CLVS1: variants seen among roughly 807,000 people sequenced by gnomAD.
The protein encoded by CLVS1 is clavesin-1.
In CLVS1, 10 loss-of-function variants were observed where a neutral mutation model predicts 33.1. The ratio of observed to expected loss-of-function variants is 0.30; its 90% CI spans 0.19 to 0.51. The LOEUF (loss-of-function observed/expected upper bound fraction) is 0.51, where lower values mean the gene tolerates loss of function less well. CLVS1 is among the 20% of genes least tolerant of loss of function. The probability of loss-of-function intolerance (pLI) is 0.97; values close to 1 mark genes in which losing one functional copy is unlikely to be tolerated. For missense variants in CLVS1, 343 were observed against 433.4 expected (o/e 0.79, Z 1.85); for synonymous variants, 163 against 166.1 (o/e 0.98, Z 0.14).
intron 2 of CLVS1, among the ~76,000 whole-genome samples, chr8:61,335,163 G>T (rs1416544291): frequency 6.6e-6 from 1 of 152,184 alleles, no homozygotes; most frequent in Non-Finnish European, 1.5e-5. Flanking sequence ...TGGAAGCACT[G>T]ATTTTAGAAG....
intron 1 of CLVS1, among the ~76,000 whole-genome samples, chr8:61,073,034 A>T (rs1804828348): frequency 5.9e-5 from 9 of 152,104 alleles, no homozygotes; most frequent in Admixed American, 5.9e-4. Flanking sequence ...TCTGATTTTT[A>T]CACTTATTAT....
At chr8:61,480,791 T>C (rs1016776942) in intron 5 of CLVS1, among the ~76,000 whole-genome samples, 1 of 152,120 alleles carries the variant, frequency 6.6e-6, no homozygotes, top group Admixed American at 6.5e-5. Flanking sequence ...GGTAAGATGA[T>C]ACAGACGTGC....
rs1230426766 is a variant in CLVS1 at position 61,454,206 on chromosome 8, C to T, written c.696C>T (p.Leu232=). The T allele has an allele frequency of 6.2e-7, 1 of 1,614,112 alleles. No homozygotes were observed. Among genetic ancestry groups the T allele is most frequent in the Non-Finnish European group, 8.5e-7 (1 of 1,179,982 alleles). Residue 232 remains leucine, a synonymous_variant, in exon 4 of 6, where the codon CTC becomes CTT. Transcript: ENST00000325897. ...ACCAGCCCTGGTACATTCATGCCCT[C>T]TACACACTCATCAAGCCATTTCTTA... ...FVNQPWYIHA[L]YTLIKPFLKD... is the part of the protein sequence containing the mutation.
In CLVS1 at chr8:61,322,816, G is replaced by A. The variant is rs186350212; in HGVS notation, c.455+22534G>A. Among the ~76,000 whole-genome samples, 275 of 152,074 alleles carry A rather than the reference G, an allele frequency of 1.8e-3. 1 individual carries two copies. The highest frequency in any genetic ancestry group is 6.2e-3 in the African/African-American group (256 of 41,504). On this transcript the variant is annotated intron_variant, in intron 2 of 5. Transcript: ENST00000325897. The stretch of plus-strand genomic sequence containing the variant: ...GCAAGAAAACTGAAGATTTCTGCTC[G>A]TTCTTCCTTTACCTAAAACACTTTT...
At chr8:61,379,915 C>G (rs1036085082) in intron 3 of CLVS1, among the ~76,000 whole-genome samples, 2 of 152,168 alleles carry the variant, frequency 1.3e-5, no homozygotes, top group Non-Finnish European at 2.9e-5. Flanking sequence ...AGGTAGTAAA[C>G]TTGGGCAAAG....
At chr8:61,145,487 G>T (rs1343674834) in intron 2 of CLVS1, among the ~76,000 whole-genome samples, 1 of 152,204 alleles carries the variant, frequency 6.6e-6, no homozygotes, top group Non-Finnish European at 1.5e-5. Context: ...TTCAAAACTA[G>T]GTTTAAGCTG....
upstream of CLVS1, among the ~76,000 whole-genome samples, chr8:61,054,839 G>A (rs1022119795): frequency 6.6e-6 from 1 of 152,090 alleles, no homozygotes; most frequent in Non-Finnish European, 1.5e-5. Flanking sequence ...GATAAAATAT[G>A]CTCCAGTGAT....
chr8:61,220,673 A>G lies in CLVS1; in HGVS notation c.-151-79004A>G, dbSNP rs188314588. On this transcript the variant is annotated intron_variant, in intron 2 of 2. Transcript: ENST00000522621. The stretch of plus-strand genomic sequence containing the variant: ...TTTTTTATTTTATATGAAATTTAAG[A>G]TAGTTTTTTCTAATTCTGTGAAGAA... 3.3e-3 allele frequency among the ~76,000 whole-genome samples: 499 copies of G among 151,666 alleles called. 1 individual carries two copies. Among genetic ancestry groups the G allele is most frequent in the African/African-American group, 0.011 (463 of 41,356 alleles).
At chr8:61,384,046 A>T (rs993365175) in intron 3 of CLVS1, among the ~76,000 whole-genome samples, 4 of 152,256 alleles carry the variant, frequency 2.6e-5, no homozygotes, top group Non-Finnish European at 4.4e-5. Flanking sequence ...TAGGAATGGC[A>T]TCCTGGGCAA....
Position 61,262,935 on chromosome 8 carries a change from G to A in CLVS1, c.-151-36742G>A, listed in dbSNP as rs548833297. On this transcript the variant is annotated intron_variant, in intron 2 of 2. Transcript: ENST00000522621. ...GACACTAGAACTGAGGGTTGTTGGG[G>A]GAAGCTGCCCGTGATTTAAGATGAT... 2.0e-5 allele frequency among the ~76,000 whole-genome samples: 3 copies of A among 152,286 alleles called. No homozygotes were observed. The East Asian group carries it at 5.8e-4, about 29-fold the overall frequency.
intron 2 of CLVS1, among the ~76,000 whole-genome samples, chr8:61,139,729 C>T (rs112173589): frequency 6.6e-6 from 1 of 151,690 alleles, no homozygotes; most frequent in African/African-American, 2.4e-5. Flanking sequence ...GGTCCGCTTC[C>T]GCGTCGGTTC....
chr8:61,218,976 C>G (rs1001231931), intron 2 of CLVS1, among the ~76,000 whole-genome samples: 1 of 151,886 alleles, frequency 6.6e-6, no homozygotes, highest in African/African-American at 2.4e-5. Flanking sequence ...AACAACTGAG[C>G]TCAAGGTACT....
intron 5 of CLVS1, among the ~76,000 whole-genome samples, chr8:61,482,182 C>T (rs1408821382): frequency 6.6e-6 from 1 of 152,192 alleles, no homozygotes; most frequent in Non-Finnish European, 1.5e-5. Context: ...ACATCCACAC[C>T]AAAACCCCAT....
chr8:61,171,058 C>T (rs77200094), intron 2 of CLVS1, among the ~76,000 whole-genome samples: 5,211 of 151,908 alleles, frequency 0.034, 98 homozygotes, highest in Middle Eastern at 0.041. Flanking sequence ...CACAAGTTTC[C>T]ATTTAACTGC....
At chr8:61,459,650 G>A (rs1413514688) in intron 5 of CLVS1, among the ~76,000 whole-genome samples, 3 of 152,074 alleles carry the variant, frequency 2.0e-5, no homozygotes, top group Admixed American at 1.3e-4. Context: ...CTCAATCTCA[G>A]TCTCAATCCC....
intron 2 of CLVS1, among the ~76,000 whole-genome samples, chr8:61,251,906 C>G (rs938886998): frequency 2.6e-5 from 4 of 152,028 alleles, no homozygotes; most frequent in African/African-American, 9.6e-5. Flanking sequence ...TTTTGTGTGT[C>G]TCTATCTCCT....
At chr8:61,476,989 T>C (rs1817963775) in intron 5 of CLVS1, among the ~76,000 whole-genome samples, 1 of 152,156 alleles carries the variant, frequency 6.6e-6, no homozygotes, top group Admixed American at 6.5e-5. Context: ...CCTAATTTAT[T>C]GAGAGTTTCT....
intron 2 of CLVS1, among the ~76,000 whole-genome samples, chr8:61,177,697 G>GT (rs1807144498): frequency 6.6e-6 from 1 of 151,722 alleles, no homozygotes; most frequent in African/African-American, 2.4e-5. Context: ...TGAACCAGAA[G>GT]AATAGGGACA....
chr8:61,399,643 T>C (rs893278340), intron 3 of CLVS1, among the ~76,000 whole-genome samples: 1 of 152,246 alleles, frequency 6.6e-6, no homozygotes, highest in African/African-American at 2.4e-5. Context: ...GCCTATATTT[T>C]CTTCTAGGGT....
Sources: gnomAD v4.1 joint callset for allele counts (sites outside exome capture counted in the v4.1 genomes callset) on GRCh38, gnomAD v4.1.1 for gene constraint, MANE v1.5 for transcripts, NCBI Gene and HGNC (gene_info 2026-07-23, HGNC 2026-07-21) for gene names.